Variants in ZCCHC14 observed in about 807,000 individuals in gnomAD.
ZCCHC14 encodes zinc finger CCHC domain-containing protein 14.
ZCCHC14 carries 16 observed loss-of-function variants against 85.0 expected under a neutral mutation model. The ratio of observed to expected loss-of-function variants is 0.19; its 90% CI spans 0.13 to 0.29. The LOEUF is 0.29. Among genes scored for constraint, ZCCHC14 ranks in the 10% least tolerant of loss-of-function variants. The pLI, the probability that ZCCHC14 is intolerant of heterozygous loss-of-function variation, is 1.00. For missense variants in ZCCHC14, 1,303 were observed against 1,443.5 expected, an observed-to-expected ratio of 0.90 and a Z score of 1.58; for synonymous variants, 775 against 630.7, an observed-to-expected ratio of 1.23 and a Z score of -3.43.
chr16:87,423,707 CT>C, intron 4 of ZCCHC14, 102 bp downstream of exon 4: 4 of 1,352,570 alleles, frequency 3.0e-6, no homozygotes, highest in Middle Eastern at 2.1e-4. Context: ...CGCACGCTCA[CT>C]CGCTAGCTGA....
chr16:87,450,057 G>A (rs570716681), intron 2 of ZCCHC14, among the ~76,000 whole-genome samples: 1 of 152,070 alleles, frequency 6.6e-6, no homozygotes, highest in African/African-American at 2.4e-5. Context: ...AAAAAACAAA[G>A]AGAAAAAGAA....
intron 1 of ZCCHC14, among the ~76,000 whole-genome samples, chr16:87,460,792 C>G (rs1911221270): frequency 1.3e-5 from 2 of 152,314 alleles, no homozygotes; most frequent in Non-Finnish European, 2.9e-5. Flanking sequence ...AAATAGCTCC[C>G]TATAAAACGA....
At chr16:87,479,111 G>T (rs1360647964) in intron 1 of ZCCHC14, among the ~76,000 whole-genome samples, 1 of 151,874 alleles carries the variant, frequency 6.6e-6, no homozygotes, top group East Asian at 1.9e-4. Context: ...GTTTTAATTA[G>T]AGTCATTAAG....
chr16:87,474,121 G>A (rs1384016151), intron 1 of ZCCHC14: 1 of 152,400 alleles, frequency 6.6e-6, no homozygotes, highest in Non-Finnish European at 1.5e-5. Flanking sequence ...TCATCCCCTA[G>A]GCACCTGGTA....
chr16:87,414,529 C>T lies in ZCCHC14; in HGVS notation c.1488G>A (p.Glu496=). Residue 496 remains glutamate, a synonymous_variant, in exon 10 of 13, where the codon GAG becomes GAA. Coordinates refer to ENST00000671377, the MANE Select transcript of ZCCHC14 (RefSeq NM_015144.3). The part of the protein sequence containing the change: ...TQLELEKEKS[E]RRCLNPSAPP... ...GGGCCGAGGGGTTCAGGCACCGTCTCTCTGACTTCTCCCTGTGAAATAATC... is the reference window on the plus strand; with the variant it reads ...GGGCCGAGGGGTTCAGGCACCGTCTTTCTGACTTCTCCCTGTGAAATAATC... 1 of 1,611,636 alleles carries T rather than the reference C, an allele frequency of 6.2e-7. No homozygotes were observed. The highest frequency in any genetic ancestry group is 8.5e-7 in the Non-Finnish European group (1 of 1,178,644).
In ZCCHC14 at chr16:87,412,714, T is replaced by G. The variant is rs1282600586; in HGVS notation, c.2007A>C (p.Ser669=). 1 of 1,614,048 alleles carries G rather than the reference T, an allele frequency of 6.2e-7. No homozygotes were observed. Among genetic ancestry groups the G allele is most frequent in the African/African-American group, 1.3e-5 (1 of 74,908 alleles). The part of the protein sequence containing the change: ...DMKLLSSSVH[S]LLSLEERNKG... ...TATTCCTTTCTTCTAGAGACAAAAG[T>G]GAGTGCACAGAAGACGAGAGGAGCT... The change falls in exon 12 of 13, where the codon TCA becomes TCC. Residue 669 remains serine (S), a synonymous_variant. Coordinates refer to ENST00000671377, the MANE Select transcript of ZCCHC14 (RefSeq NM_015144.3).
At chr16:87,430,819 G>T (rs115575036) in intron 3 of ZCCHC14, among the ~76,000 whole-genome samples, 2 of 148,992 alleles carry the variant, frequency 1.3e-5, no homozygotes, top group African/African-American at 4.9e-5. Context: ...ACTGTGCCCC[G>T]CTAACTTTCA....
intron 1 of ZCCHC14, among the ~76,000 whole-genome samples, chr16:87,466,279 T>A (rs1284796427): frequency 6.6e-6 from 1 of 152,204 alleles, no homozygotes; most frequent in Non-Finnish European, 1.5e-5. Flanking sequence ...TTTCTAAAAA[T>A]CTATTTCCTG....
intron 12 of ZCCHC14, among the ~76,000 whole-genome samples, chr16:87,410,776 G>C (rs1176671336): frequency 3.3e-5 from 5 of 152,220 alleles, no homozygotes; most frequent in Non-Finnish European, 7.3e-5. Context: ...GGCCTGCTGA[G>C]TCAGCAGGCG....
At chr16:87,467,512 C>A (rs1249759371) in intron 1 of ZCCHC14, 9 of 1,606,286 alleles carry the variant, frequency 5.6e-6, no homozygotes, top group Non-Finnish European at 7.7e-6. Flanking sequence ...AATACAGCAT[C>A]CCTTTCTCAA....
chr16:87,483,698 G>C (rs917471278), intron 1 of ZCCHC14, among the ~76,000 whole-genome samples: 1 of 152,184 alleles, frequency 6.6e-6, no homozygotes, highest in African/African-American at 2.4e-5. Flanking sequence ...CGCTGGGCTC[G>C]TTAAAGGTTA....
At chr16:87,474,756 G>A (rs188321149) in intron 1 of ZCCHC14, among the ~76,000 whole-genome samples, 7 of 152,324 alleles carry the variant, frequency 4.6e-5, no homozygotes, top group Non-Finnish European at 7.3e-5. Flanking sequence ...GCTGGAAAGC[G>A]ACAGGAGAAA....
rs531755975 is a variant in ZCCHC14, at chr16:87,411,559, G to T, written c.3162C>A (p.Arg1054=). ...TGGACGGCTGTTTGCAGTCCTGGGCGCGGTGACCAGTGGCCCCGCAGTTGT... is the reference window on the plus strand; with the variant it reads ...TGGACGGCTGTTTGCAGTCCTGGGCTCGGTGACCAGTGGCCCCGCAGTTGT... ...SCYNCGATGH[R]AQDCKQPSMD... is the part of the protein sequence containing the mutation. The change falls in exon 12 of 13, where the codon CGC becomes CGA. Residue 1054 remains arginine, a synonymous_variant. Transcript: ENST00000671377. 5 of 1,613,692 alleles carry T rather than the reference G, an allele frequency of 3.1e-6. No homozygotes were observed. The highest frequency in any genetic ancestry group is 4.2e-6 in the Non-Finnish European group (5 of 1,180,028).
At chr16:87,466,603 CA>C (rs1317255930) in intron 1 of ZCCHC14, among the ~76,000 whole-genome samples, 2 of 147,186 alleles carry the variant, frequency 1.4e-5, no homozygotes, top group Non-Finnish European at 2.9e-5. Context: ...TATTAGAAGA[CA>C]AATGGGCTCC....
chr16:87,417,269 A>C (rs8061143), intron 8 of ZCCHC14, among the ~76,000 whole-genome samples, 191 bp downstream of exon 8: 13,900 of 152,242 alleles, frequency 0.091, 2,120 homozygotes, highest in African/African-American at 0.31. Flanking sequence ...TGTTTACAAC[A>C]TGTCCTGTTT....
intron 2 of ZCCHC14, among the ~76,000 whole-genome samples, chr16:87,453,196 C>G (rs1214276595): frequency 6.6e-6 from 1 of 152,196 alleles, no homozygotes; most frequent in African/African-American, 2.4e-5. Context: ...GCAGCGCTCA[C>G]GCAGAGCCCG....
At chr16:87,456,096 G>A (rs767025870) in intron 2 of ZCCHC14, among the ~76,000 whole-genome samples, 11 of 152,124 alleles carry the variant, frequency 7.2e-5, no homozygotes, top group South Asian at 2.1e-4. Flanking sequence ...CAACTTTACC[G>A]TGTGTTTCAA....
intron 8 of ZCCHC14, among the ~76,000 whole-genome samples, chr16:87,415,584 A>C (rs528557539): frequency 1.3e-5 from 2 of 152,282 alleles, no homozygotes; most frequent in African/African-American, 4.8e-5. Context: ...TCTGAGCAAG[A>C]GTGTCCCCGG....
At chr16:87,483,022 A>T (rs192010420) in intron 1 of ZCCHC14, among the ~76,000 whole-genome samples, 2 of 152,142 alleles carry the variant, frequency 1.3e-5, no homozygotes, top group African/African-American at 4.8e-5. Flanking sequence ...CATACCAAAA[A>T]GGACTGATAA....
Sources: gnomAD v4.1 joint callset for allele counts (sites outside exome capture counted in the v4.1 genomes callset) on GRCh38, gnomAD v4.1.1 for gene constraint, MANE v1.5 for transcripts, NCBI Gene and HGNC (gene_info 2026-07-23, HGNC 2026-07-21) for gene names.